PTCD2: variants seen among roughly 807,000 people sequenced by gnomAD.
The protein encoded by PTCD2 is pentatricopeptide repeat-containing protein 2, mitochondrial.
In PTCD2, 31 loss-of-function variants were observed where a neutral mutation model predicts 42.6. The observed-to-expected ratio is 0.73, with a 90% CI of 0.55 to 0.98. The LOEUF (loss-of-function observed/expected upper bound fraction) is 0.98, where lower values mean the gene tolerates loss of function less well. PTCD2 is among the 50% of genes least tolerant of loss of function. The pLI is 0.00. For missense variants in PTCD2, 476 were observed against 454.8 expected, an observed-to-expected ratio of 1.05 and a Z score of -0.42; for synonymous variants, 183 against 170.9, an observed-to-expected ratio of 1.07 and a Z score of -0.55.
At position 72,353,004 on chromosome 5, in the gene PTCD2, C is replaced by T. The variant is rs1300254609; in HGVS notation, c.942+250C>T. 3.4e-4 allele frequency among the ~76,000 whole-genome samples: 51 copies of T among 152,088 alleles called. 1 individual carries two copies. The highest frequency in any genetic ancestry group is 3.3e-3 in the Admixed American group (50 of 15,270). ...CTTTTCTCCACATTGTATTCATGGG[C>T]CCTGGCTCTCTTTTTCTTCTAGATG... is the stretch of plus-strand genomic sequence containing the variant. On this transcript the variant is annotated intron_variant, in intron 9 of 9. Coordinates refer to ENST00000380639, the MANE Select transcript of PTCD2 (RefSeq NM_024754.5).
chr5:72,358,319 G>A lies in PTCD2; in HGVS notation c.1059G>A (p.Val353=), dbSNP rs762824362. 1.2e-6 allele frequency: 2 copies of A among 1,614,006 alleles called. No homozygotes were observed. Among genetic ancestry groups the A allele is most frequent in the Admixed American group, 3.3e-5 (2 of 60,000 alleles). Reference sequence around the variant, plus strand: ...TCACCACTGATTCTTTGGATGCTGTGCTCTGCCACACCCCCAGGGACAGGA... The same window carrying A: ...TCACCACTGATTCTTTGGATGCTGTACTCTGCCACACCCCCAGGGACAGGA... ...GQVTTDSLDA[V]LCHTPRDRKS... The change falls in exon 10 of 10, where the codon GTG becomes GTA. Residue 353 remains valine, a synonymous_variant. Coordinates refer to ENST00000380639, the MANE Select transcript of PTCD2 (RefSeq NM_024754.5).
chr5:72,341,014 G>A lies in PTCD2; in HGVS notation c.754-1948G>A, dbSNP rs138019341. On this transcript the variant is annotated intron_variant, in intron 7 of 9. Coordinates refer to ENST00000380639, the MANE Select transcript of PTCD2 (RefSeq NM_024754.5). Reference sequence around the variant, plus strand: ...GAGTCTCACTCTGTCTCCCAAGCTGGAATGGAGTGGCACGATTTCGGCTCA... The same window carrying A: ...GAGTCTCACTCTGTCTCCCAAGCTGAAATGGAGTGGCACGATTTCGGCTCA... 1.4e-4 allele frequency among the ~76,000 whole-genome samples: 21 copies of A among 150,034 alleles called. 1 individual carries two copies. The highest frequency in any genetic ancestry group is 3.0e-4 in the Non-Finnish European group (20 of 67,762).
At chr5:72,351,733 G>A (rs1025118168) in intron 8 of PTCD2, among the ~76,000 whole-genome samples, 1 of 151,994 alleles carries the variant, frequency 6.6e-6, no homozygotes, top group Non-Finnish European at 1.5e-5. Context: ...CAGCATGGGG[G>A]AAACTGCCCC....
chr5:72,331,289 G>C lies in PTCD2; in HGVS notation c.382G>C (p.Gly128Arg). Residue 128 changes from glycine (G) to arginine (R), a missense_variant, in exon 4 of 10, where the codon GGG (glycine) becomes CGG (arginine). Physicochemically the swap from Gly to Arg is moderately radical, Grantham distance 125 (BLOSUM62 -2). Transcript: ENST00000380639. ...TGCAGAGAACAAAAATTTCACTTTGGGGGAGTATAAATTTGGACCGCTTTT... is the reference window on the plus strand; with the variant it reads ...TGCAGAGAACAAAAATTTCACTTTGCGGGAGTATAAATTTGGACCGCTTTT... Reference protein sequence around the residue: ...YHAENKNFTLGEYKFGPLFVR... With the variant: ...YHAENKNFTLREYKFGPLFVR... The C allele has an allele frequency of 6.2e-7, 1 of 1,613,800 alleles. No individual in the cohort carries two copies. Among genetic ancestry groups the C allele is most frequent in the African/African-American group, 1.3e-5 (1 of 75,018 alleles).
At position 72,368,044 on chromosome 5, in the gene PTCD2, T is replaced by A. The variant is rs1315799819; in HGVS notation, c.*9617T>A. On this transcript the variant is annotated 3_prime_UTR_variant, in exon 10 of 10. Coordinates refer to ENST00000380639, the MANE Select transcript of PTCD2 (RefSeq NM_024754.5). ...CAAAAGTATAAATCTTTTTTTCATA[T>A]GGACTATTTGGGTCTATTTTCAAAA... 4 of 152,218 alleles carry A rather than the reference T, an allele frequency of 2.6e-5. No homozygotes were observed. The East Asian group carries it at 7.7e-4, about 29-fold the overall frequency. 9.4% of individuals were successfully genotyped at this position (152,218 alleles called of 1,614,324 possible).
At chr5:72,324,410 T>C (rs1416484625) in intron 2 of PTCD2, among the ~76,000 whole-genome samples, 1 of 152,218 alleles carries the variant, frequency 6.6e-6, no homozygotes, top group Non-Finnish European at 1.5e-5. Context: ...GACTCCGCCC[T>C]TTCTAGGACG....
chr5:72,350,352 C>G (rs910947471), intron 8 of PTCD2, among the ~76,000 whole-genome samples: 2 of 152,118 alleles, frequency 1.3e-5, no homozygotes, highest in Non-Finnish European at 2.9e-5. Context: ...TTCCTGAGCC[C>G]CAGTTCCTGT....
chr5:72,327,241 T>G (rs894514697), intron 3 of PTCD2, among the ~76,000 whole-genome samples: 1 of 152,190 alleles, frequency 6.6e-6, no homozygotes, highest in Non-Finnish European at 1.5e-5. Context: ...CGCTTTAATG[T>G]CTCTCACCTA....
At chr5:72,355,614 CAAAT>C (rs1752836838) in intron 9 of PTCD2, among the ~76,000 whole-genome samples, 1 of 151,966 alleles carries the variant, frequency 6.6e-6, no homozygotes, top group Non-Finnish European at 1.5e-5. Context: ...TGAAATGAAA[CAAAT>C]GAACCCATGT....
chr5:72,324,701 T>A (rs1751047847), intron 2 of PTCD2, among the ~76,000 whole-genome samples: 1 of 152,200 alleles, frequency 6.6e-6, no homozygotes, highest in African/African-American at 2.4e-5. Flanking sequence ...AGTATTCATG[T>A]GTCACCTCCT....
intron 8 of PTCD2, among the ~76,000 whole-genome samples, chr5:72,351,449 C>T (rs527594116): frequency 1.2e-4 from 19 of 152,274 alleles, no homozygotes; most frequent in Middle Eastern, 3.4e-3. Context: ...AAACAGAAAA[C>T]GCTGAAGGTA....
Position 72,358,590 on chromosome 5 carries a change from G to C in PTCD2, c.*163G>C. ...ATGGTACCATGCCGATCTCTGAGAA[G>C]TTATGTTGCACCACTGTGAAGGTCT... On this transcript the variant is annotated 3_prime_UTR_variant, in exon 10 of 10. Coordinates refer to ENST00000380639, the MANE Select transcript of PTCD2 (RefSeq NM_024754.5). The C allele has an allele frequency of 3.2e-6, 2 of 619,230 alleles. No homozygotes were observed. The highest frequency in any genetic ancestry group is 5.7e-6 in the Non-Finnish European group (2 of 349,214). The allele number at this position is 619,230 out of a possible 1,614,324, so 38.4% of individuals were successfully genotyped here.
At position 72,343,650 on chromosome 5, in the gene PTCD2, C is replaced by T. The variant is rs559737459; in HGVS notation, c.828+614C>T. Among the ~76,000 whole-genome samples the T allele has an allele frequency of 4.6e-5, 7 of 152,226 alleles. No homozygotes were observed. The East Asian group carries it at 1.3e-3, about 29-fold the overall frequency. ...TCAGCAAGTGGCTGCACACATATCA[C>T]CAAGACATGCAAAACCTTAATCCCT... On this transcript the variant is annotated intron_variant, in intron 8 of 9. Coordinates refer to ENST00000380639, the MANE Select transcript of PTCD2 (RefSeq NM_024754.5).
intron 2 of PTCD2, among the ~76,000 whole-genome samples, chr5:72,323,917 G>T (rs1045597566): frequency 6.6e-5 from 10 of 152,188 alleles, no homozygotes; most frequent in Middle Eastern, 3.4e-3. Flanking sequence ...AAGTACAAGC[G>T]TGAGCCACTG....
chr5:72,358,460 G>A lies in PTCD2; in HGVS notation c.*33G>A. ...TTCAGTCCACCTATGGATCTGAGGGGCCTGCTTCTAGTGAGTTATTACCTT... is the reference window on the plus strand; with the variant it reads ...TTCAGTCCACCTATGGATCTGAGGGACCTGCTTCTAGTGAGTTATTACCTT... On this transcript the variant is annotated 3_prime_UTR_variant, in exon 10 of 10. Transcript: ENST00000380639. The A allele has an allele frequency of 2.0e-6, 3 of 1,507,568 alleles. No individual in the cohort carries two copies. The highest frequency in any genetic ancestry group is 1.1e-5 in the South Asian group (1 of 87,974). 93.4% of individuals were successfully genotyped at this position (1,507,568 alleles called of 1,614,324 possible). A position where few individuals can be genotyped will look rare whatever the true frequency, so the allele number is the denominator to read the frequency against.
intron 9 of PTCD2, among the ~76,000 whole-genome samples, chr5:72,355,106 C>A (rs1325816975): frequency 6.6e-6 from 1 of 151,992 alleles, no homozygotes; most frequent in Non-Finnish European, 1.5e-5. Flanking sequence ...TTTTTCAGAT[C>A]TTTTTTTATA....
chr5:72,320,650 C>A, intron 1 of PTCD2, 141 bp downstream of exon 1: 1 of 1,222,996 alleles, frequency 8.2e-7, no homozygotes, highest in Non-Finnish European at 1.1e-6. Context: ...TCTAGTTGCA[C>A]GTGGGTGCAG....
At chr5:72,355,009 C>T (rs545873372) in intron 9 of PTCD2, among the ~76,000 whole-genome samples, 30 of 152,120 alleles carry the variant, frequency 2.0e-4, no homozygotes, top group African/African-American at 6.7e-4. Context: ...CTTAAGAAGG[C>T]GGGACCATAT....
chr5:72,358,373 G>A lies in PTCD2; in HGVS notation c.1113G>A (p.Arg371=), dbSNP rs777754661. The change falls in exon 10 of 10, where the codon AGG becomes AGA. Residue 371 remains arginine, a synonymous_variant. Transcript: ENST00000380639. ...RKSHTLLLNK[R]MVSRRTFQPL... ...CTCACACGTTGCTATTAAACAAGAGGATGGTCAGCCGTCGCACCTTCCAGC... is the reference window on the plus strand; with the variant it reads ...CTCACACGTTGCTATTAAACAAGAGAATGGTCAGCCGTCGCACCTTCCAGC... 5.4e-5 allele frequency: 87 copies of A among 1,613,878 alleles called. No individual in the cohort carries two copies. In the Admixed American group the frequency reaches 5.5e-4, roughly 10 times the overall value.
Sources: allele counts gnomAD v4.1 joint callset (sites outside exome capture counted in the v4.1 genomes callset), GRCh38; gene constraint gnomAD v4.1.1; transcripts MANE v1.5; gene names NCBI Gene and HGNC (gene_info 2026-07-23, HGNC 2026-07-21).